The following CLPB variants were observed in gnomAD, a reference collection of about 807,000 sequenced individuals.
CLPB encodes the protein mitochondrial disaggregase.
CLPB carries 40 observed loss-of-function variants against 78.4 expected under a neutral mutation model. That is an observed-to-expected ratio of 0.51 (90% CI 0.40 to 0.66). CLPB has a LOEUF of 0.66. Among genes scored for constraint, CLPB ranks in the 30% least tolerant of loss-of-function variants. CLPB has a pLI of 0.00. For missense variants in CLPB, 780 were observed against 886.9 expected, an observed-to-expected ratio of 0.88 and a Z score of 1.53; for synonymous variants, 333 against 348.0, an observed-to-expected ratio of 0.96 and a Z score of 0.48.
At chr11:72,378,825 T>C (rs1284952817) in intron 4 of CLPB, among the ~76,000 whole-genome samples, 2 of 151,992 alleles carry the variant, frequency 1.3e-5, no homozygotes, top group Non-Finnish European at 2.9e-5. Flanking sequence ...GGCCTGCACA[T>C]GAGGAGGAGA....
chr11:72,357,460 G>A (rs1950739939), intron 5 of CLPB, among the ~76,000 whole-genome samples: 1 of 152,116 alleles, frequency 6.6e-6, no homozygotes, highest in Non-Finnish European at 1.5e-5. Flanking sequence ...ACTTAGGGAG[G>A]CTGAGGCGGG....
chr11:72,379,590 C>A lies in CLPB; in HGVS notation c.646+691G>T, dbSNP rs190480957. 1.4e-4 allele frequency among the ~76,000 whole-genome samples: 21 copies of A among 152,226 alleles called. No individual in the cohort carries two copies. The East Asian group carries it at 2.3e-3, about 17-fold the overall frequency. On this transcript the variant is annotated intron_variant, in intron 4 of 15. Transcript: ENST00000538039. ...TGGACATTCAATCCCCAAGACTCAT[C>A]CCAGAGCCTCTTCATTCTGAAGTTC...
rs1235294718 is a variant in CLPB at position 72,293,634 on chromosome 11, AGTG to A, written c.1786-22_1786-20del. On this transcript the variant is annotated intron_variant, in intron 15 of 15. Transcript: ENST00000538039. ...GTTCTACCTGTCGGTGGGGAGGTGA[AGTG>A]GTCACTCCCTCGGCCTGGACCCAGC... The A allele has an allele frequency of 2.5e-6, 4 of 1,603,626 alleles. No individual in the cohort carries two copies. The highest frequency in any genetic ancestry group is 3.4e-6 in the Non-Finnish European group (4 of 1,172,650).
At chr11:72,294,294 C>A in intron 14 of CLPB, 31 bp downstream of exon 14, 1 of 1,614,100 alleles carries the variant, frequency 6.2e-7, no homozygotes, top group Non-Finnish European at 8.5e-7. Flanking sequence ...GCTGGCTATC[C>A]CGCCCCCACC....
rs1856648472 is a variant in CLPB, at chr11:72,434,298, C to T, written c.177G>A (p.Ser59=). The T allele has an allele frequency of 3.1e-6, 5 of 1,611,870 alleles. No homozygotes were observed. The highest frequency in any genetic ancestry group is 1.3e-5 in the African/African-American group (1 of 74,668). ...RVATGGRPGT[S]PALFSGRGAA... is the part of the protein sequence containing the mutation. ...CCCCACGTCCGGAGAACAAGGCCGG[C>T]GATGTTCCAGGGCGCCCCCCGGTGG... is the stretch of plus-strand genomic sequence containing the variant. The change falls in exon 1 of 16, where the codon TCG becomes TCA. Residue 59 remains serine, a synonymous_variant. Coordinates refer to ENST00000538039, the MANE Select transcript of CLPB (RefSeq NM_001258392.3).
chr11:72,388,590 C>T (rs1207184286), intron 3 of CLPB, among the ~76,000 whole-genome samples: 1 of 152,160 alleles, frequency 6.6e-6, no homozygotes, highest in Admixed American at 6.5e-5. Context: ...GCAGCAGCAC[C>T]ACTGTGGGGT....
rs181325192 is a variant in CLPB at position 72,390,432 on chromosome 11, T to G, written c.543-10048A>C. Among the ~76,000 whole-genome samples, 614 of 127,250 alleles carry G rather than the reference T, an allele frequency of 4.8e-3. 9 individuals are homozygous for G. Among genetic ancestry groups the G allele is most frequent in the Non-Finnish European group, 5.1e-3 (319 of 62,794 alleles). The allele number at this position is 127,250 out of a possible 152,430, so 83.5% of individuals were successfully genotyped here. A position where few individuals can be genotyped will look rare whatever the true frequency, so the allele number is the denominator to read the frequency against. Reference sequence around the variant, plus strand: ...CAGCCTGGGCAACAGAGTGAGACTGTCTCAAAAAAAAAACGAAATAGAAAA... The same window carrying G: ...CAGCCTGGGCAACAGAGTGAGACTGGCTCAAAAAAAAAACGAAATAGAAAA... On this transcript the variant is annotated intron_variant, in intron 3 of 15. Coordinates refer to ENST00000538039, the MANE Select transcript of CLPB (RefSeq NM_001258392.3).
Position 72,287,871 on chromosome 11 carries a change from A to AT in CLPB, c.*5495dup, listed in dbSNP as rs1035749256. On this transcript the variant is annotated 3_prime_UTR_variant, in exon 16 of 16. Coordinates refer to ENST00000538039, the MANE Select transcript of CLPB (RefSeq NM_001258392.3). ...TAATTTCTCATGCCTAATTTTGTTAATTTTTTTGGCTCCTTTCCCCTTTTA... is the reference window on the plus strand; with the variant it reads ...TAATTTCTCATGCCTAATTTTGTTAATTTTTTTTGGCTCCTTTCCCCTTTTA... 1.7e-4 allele frequency: 26 copies of AT among 151,908 alleles called. No individual in the cohort carries two copies. Among genetic ancestry groups the AT allele is most frequent in the Admixed American group, 2.6e-4 (4 of 15,260 alleles). The allele number at this position is 151,908 out of a possible 1,614,324, so 9.4% of individuals were successfully genotyped here. A position where few individuals can be genotyped will look rare whatever the true frequency, so the allele number is the denominator to read the frequency against.
chr11:72,317,932 A>G (rs748254286), intron 6 of CLPB, among the ~76,000 whole-genome samples: 5 of 152,240 alleles, frequency 3.3e-5, no homozygotes, highest in Non-Finnish European at 7.3e-5. Context: ...CCCGCACAGA[A>G]GAGGAGACCC....
intron 2 of CLPB, chr11:72,429,137 G>A (rs1241925952): frequency 6.6e-6 from 1 of 152,188 alleles, no homozygotes; most frequent in Non-Finnish European, 1.5e-5. Flanking sequence ...CACACAGCCT[G>A]CAGTTATGAA....
Position 72,376,889 on chromosome 11 carries a change from C to T in CLPB, c.646+3392G>A, listed in dbSNP as rs1025855522. Among the ~76,000 whole-genome samples the T allele has an allele frequency of 3.3e-5, 5 of 152,230 alleles. No individual in the cohort carries two copies. In the South Asian group the frequency reaches 8.3e-4, roughly 25 times the overall value. Reference sequence around the variant, plus strand: ...GTTTTGCCATGTTGGCCAGGCTGCTCGAACTCCTAGCCTCAGGTGATCTGC... The same window carrying T: ...GTTTTGCCATGTTGGCCAGGCTGCTTGAACTCCTAGCCTCAGGTGATCTGC... On this transcript the variant is annotated intron_variant, in intron 4 of 15. Transcript: ENST00000538039.
rs757691594 is a variant in CLPB, at chr11:72,295,547, C to T, written c.1431G>A (p.Leu477=). The T allele has an allele frequency of 3.7e-6, 6 of 1,614,100 alleles. No homozygotes were observed. The highest frequency in any genetic ancestry group is 5.1e-6 in the Non-Finnish European group (6 of 1,180,042). The change falls in exon 12 of 16, where the codon CTG becomes CTA. Residue 477 remains leucine (L), a synonymous_variant. Transcript: ENST00000538039. The part of the protein sequence containing the change: ...VASDEIAQHA[L]QLRQEALEMS... ...TCTCCAAAGCTTCCTGCCTCAGCTG[C>T]AGCGCGTGCTGTGCGATCTCGTCGC...
At chr11:72,369,357 A>C (rs1951001330) in intron 4 of CLPB, among the ~76,000 whole-genome samples, 1 of 152,158 alleles carries the variant, frequency 6.6e-6, no homozygotes, top group African/African-American at 2.4e-5. Context: ...CATGCTCACA[A>C]GTATCTAGAT....
At chr11:72,367,663 A>G (rs1158666690) in intron 4 of CLPB, among the ~76,000 whole-genome samples, 1 of 152,162 alleles carries the variant, frequency 6.6e-6, no homozygotes, top group Non-Finnish European at 1.5e-5. Context: ...TACTATGCAT[A>G]GTACCTGGGT....
chr11:72,333,126 T>A (rs1273137895), intron 5 of CLPB, among the ~76,000 whole-genome samples: 1 of 152,226 alleles, frequency 6.6e-6, no homozygotes, highest in Non-Finnish European at 1.5e-5. Context: ...CTAGCTTTAT[T>A]TGCTTGAACT....
chr11:72,368,470 C>T (rs1003784067), intron 4 of CLPB, among the ~76,000 whole-genome samples: 1 of 152,188 alleles, frequency 6.6e-6, no homozygotes, highest in African/African-American at 2.4e-5. Context: ...GCTTATAACT[C>T]TTTTTCTCTA....
chr11:72,349,948 C>T (rs937356010), intron 5 of CLPB, among the ~76,000 whole-genome samples: 3 of 152,242 alleles, frequency 2.0e-5, no homozygotes, highest in Non-Finnish European at 4.4e-5. Context: ...TGCCGGATAC[C>T]GGCCAGGCTC....
At chr11:72,420,267 G>A (rs1216608771) in intron 2 of CLPB, among the ~76,000 whole-genome samples, 2 of 152,140 alleles carry the variant, frequency 1.3e-5, no homozygotes, top group Non-Finnish European at 2.9e-5. Context: ...TTAGGAGGCC[G>A]AGGTGGGCGG....
intron 6 of CLPB, among the ~76,000 whole-genome samples, chr11:72,319,860 T>C (rs777917759): frequency 6.6e-6 from 1 of 152,236 alleles, no homozygotes; most frequent in Non-Finnish European, 1.5e-5. Context: ...GATAACAGAC[T>C]GTCTAATCTA....
Sources: gnomAD v4.1 joint callset for allele counts (sites outside exome capture counted in the v4.1 genomes callset) on GRCh38, gnomAD v4.1.1 for gene constraint, MANE v1.5 for transcripts, NCBI Gene and HGNC (gene_info 2026-07-23, HGNC 2026-07-21) for gene names.